C5: variants seen among roughly 807,000 people sequenced by gnomAD.
C5 encodes the protein C3 and PZP-like alpha-2-macroglobulin domain-containing protein 4.
Under a neutral mutation model 218.8 loss-of-function variants are expected in C5, and 140 were observed. That is an observed-to-expected ratio of 0.64 (90% confidence interval 0.56 to 0.74). The LOEUF (loss-of-function observed/expected upper bound fraction) is 0.74, where lower values mean the gene tolerates loss of function less well. Among genes scored for constraint, C5 ranks in the 30% least tolerant of loss-of-function variants. C5 has a pLI of 0.00. For missense variants in C5, 1,700 were observed against 1,969.6 expected (o/e 0.86, Z 2.59); for synonymous variants, 614 against 682.3 (o/e 0.90, Z 1.56).
At chr9:121,005,725 T>G (rs2047210006) in intron 20 of C5, among the ~76,000 whole-genome samples, 194 bp downstream of exon 20, 1 of 152,220 alleles carries the variant, frequency 6.6e-6, no homozygotes, top group African/African-American at 2.4e-5. Context: ...GAATACCTAC[T>G]TGTCCTTCCT....
intron 3 of C5, among the ~76,000 whole-genome samples, chr9:121,042,568 T>C (rs1372654853): frequency 1.3e-5 from 2 of 152,226 alleles, no homozygotes; most frequent in Non-Finnish European, 2.9e-5. Context: ...CAAATTATAT[T>C]TGCAATTAAG....
chr9:121,060,525 T>C, the C5 span, among the ~76,000 whole-genome samples: 1 of 152,334 alleles, frequency 6.6e-6, no homozygotes, highest in African/African-American at 2.4e-5. Flanking sequence ...CTTTTCTTTC[T>C]GCTTCAATTA....
intron 25 of C5, among the ~76,000 whole-genome samples, chr9:120,987,164 A>C (rs1443172289): frequency 6.6e-6 from 1 of 152,210 alleles, no homozygotes; most frequent in Non-Finnish European, 1.5e-5. Flanking sequence ...TGGCTTCCGG[A>C]AACCTAGAAA....
chr9:121,011,678 T>A (rs1283531800), intron 17 of C5, among the ~76,000 whole-genome samples: 1 of 152,188 alleles, frequency 6.6e-6, no homozygotes, highest in Non-Finnish European at 1.5e-5. Flanking sequence ...TGCACGCCCA[T>A]GTTTGTTGCT....
intron 36 of C5, among the ~76,000 whole-genome samples, chr9:120,962,465 G>A (rs562190248): frequency 2.6e-5 from 4 of 152,142 alleles, no homozygotes; most frequent in African/African-American, 9.7e-5. Flanking sequence ...GAGGACTGAG[G>A]TGAAACGGTC....
At chr9:121,016,007 C>A (rs1374373271) in intron 15 of C5, among the ~76,000 whole-genome samples, 2 of 152,176 alleles carry the variant, frequency 1.3e-5, no homozygotes, top group African/African-American at 4.8e-5. Context: ...TTAAACATAA[C>A]GTAAGGCACA....
At chr9:121,033,947 T>C (rs1419232298) in intron 5 of C5, among the ~76,000 whole-genome samples, 1 of 151,404 alleles carries the variant, frequency 6.6e-6, no homozygotes, top group Non-Finnish European at 1.5e-5. Context: ...TTAGTTGGAG[T>C]TTTGCTCCTG....
chr9:121,011,110 C>G (rs1287965126), intron 17 of C5, among the ~76,000 whole-genome samples: 1 of 152,196 alleles, frequency 6.6e-6, no homozygotes. Context: ...CACAGACAAC[C>G]AAAGCCAAAA....
intron 33 of C5, among the ~76,000 whole-genome samples, chr9:120,967,209 G>A (rs560740117): frequency 1.3e-3 from 196 of 148,810 alleles, no homozygotes; most frequent in African/African-American, 4.7e-3. Context: ...GTAGTGAGCC[G>A]AGATCACGCC....
the C5 span, among the ~76,000 whole-genome samples, chr9:121,062,060 T>C: frequency 5.9e-5 from 7 of 118,856 alleles, no homozygotes; most frequent in East Asian, 2.0e-3. Context: ...TTTGTTGTTG[T>C]TGTTTTTCTT....
At chr9:121,023,160 A>G (rs940122627) in intron 10 of C5, among the ~76,000 whole-genome samples, 1 of 152,194 alleles carries the variant, frequency 6.6e-6, no homozygotes, top group South Asian at 2.1e-4. Context: ...ATGTAATTTA[A>G]TGCTTATTTA....
Position 120,982,755 on chromosome 9 carries a change from T to C in C5, c.3290A>G (p.Gln1097Arg). The change falls in exon 26 of 41, where the codon CAA becomes CGA. Residue 1097 changes from glutamine to arginine, a missense_variant. By Grantham distance (43) the Gln-to-Arg change is conservative. Transcript: ENST00000223642. Reference sequence around the variant, plus strand: ...CAATAAAGAATTACAAATTGAATTTTGGTTCTGCTCTACGTATTTATTTAC... The same window carrying C: ...CAATAAAGAATTACAAATTGAATTTCGGTTCTGCTCTACGTATTTATTTAC... ...GQVNKYVEQN[Q>R]NSICNSLLWL... 6.2e-7 allele frequency: 1 copy of C among 1,605,242 alleles called. No homozygotes were observed. Among genetic ancestry groups the C allele is most frequent in the Middle Eastern group, 1.7e-4 (1 of 6,046 alleles).
chr9:120,969,986 T>C (rs896228460), intron 32 of C5, among the ~76,000 whole-genome samples, 184 bp downstream of exon 32: 5 of 152,254 alleles, frequency 3.3e-5, no homozygotes, highest in African/African-American at 1.2e-4. Context: ...CTTCCGACTA[T>C]ATTAAAGAGT....
chr9:121,065,821 T>A, the C5 span, among the ~76,000 whole-genome samples: 5 of 152,090 alleles, frequency 3.3e-5, no homozygotes, highest in East Asian at 9.7e-4. Flanking sequence ...CTAGTATAAT[T>A]TTTAATAAAA....
Position 120,963,629 on chromosome 9 carries a change from C to T in C5, c.4323+7G>A. ...ATTCACAACACGATTTAAAAGAAAA[C>T]ACATACGGCTTTTAAGTCTTCTTCA... On this transcript the variant is annotated splice_region_variant and intron_variant, in intron 34 of 40. Coordinates refer to ENST00000223642, the MANE Select transcript of C5 (RefSeq NM_001735.3). 1 of 1,589,282 alleles carries T rather than the reference C, an allele frequency of 6.3e-7. No homozygotes were observed. Among genetic ancestry groups the T allele is most frequent in the Non-Finnish European group, 8.6e-7 (1 of 1,157,724 alleles).
intron 9 of C5, among the ~76,000 whole-genome samples, chr9:121,024,455 A>G (rs2047402095): frequency 6.6e-6 from 1 of 151,984 alleles, no homozygotes; most frequent in Non-Finnish European, 1.5e-5. Context: ...ACTATTAAGA[A>G]TAACATTTGA....
At chr9:120,963,023 GC>G in intron 34 of C5, 56 bp from the exon 35 acceptor site, 1 of 1,310,550 alleles carries the variant, frequency 7.6e-7, no homozygotes, top group Non-Finnish European at 1.1e-6. Context: ...TTGTTTAAAT[GC>G]ATTCACCTGT....
At chr9:120,953,048 C>T (rs1468666300) in intron 40 of C5, among the ~76,000 whole-genome samples, 180 bp from the exon 41 acceptor site, 5 of 152,154 alleles carry the variant, frequency 3.3e-5, no homozygotes, top group African/African-American at 7.2e-5. Context: ...CTCAGCCTCC[C>T]GAGTAGCTGG....
chr9:121,010,626 GA>G (rs991817819), intron 17 of C5, among the ~76,000 whole-genome samples: 34 of 151,646 alleles, frequency 2.2e-4, no homozygotes, highest in Non-Finnish European at 3.8e-4. Flanking sequence ...TGCAGAAATA[GA>G]AAAAAAATCC....
Sources: allele counts gnomAD v4.1 joint callset (sites outside exome capture counted in the v4.1 genomes callset), GRCh38; gene constraint gnomAD v4.1.1; transcripts MANE v1.5; gene names NCBI Gene and HGNC (gene_info 2026-07-23, HGNC 2026-07-21).